The following TEX11 variants were observed in gnomAD, a reference collection of about 807,000 sequenced individuals.
TEX11 encodes testis-expressed protein 11.
In TEX11, 7 loss-of-function variants were observed where a neutral mutation model predicts 84.4. The observed-to-expected ratio is 0.08, with a 90% CI of 0.05 to 0.16. The LOEUF (loss-of-function observed/expected upper bound fraction) is 0.16, where lower values mean the gene tolerates loss of function less well. Among genes scored for constraint, TEX11 ranks in the 10% least tolerant of loss-of-function variants. TEX11 has a pLI of 1.00. For synonymous variants in TEX11, 264 were observed against 222.8 expected (o/e 1.18, Z -1.64); for missense variants, 551 against 660.5 (o/e 0.83, Z 1.82).
At position 70,585,877 on chromosome X, in the gene TEX11, A is replaced by G. The variant is rs760630835; in HGVS notation, c.2140+5874T>C. Among the ~76,000 whole-genome samples the G allele has an allele frequency of 1.6e-3, 175 of 111,889 alleles. 1 individual carries two copies. The highest frequency in any genetic ancestry group is 5.5e-3 in the African/African-American group (171 of 30,820). On this transcript the variant is annotated intron_variant, in intron 25 of 29. Transcript: ENST00000374333. ...AGACCAGCCTGACCAACATGGTGAA[A>G]CCCTACCTCTACTAAAAATACAAAA...
At chrX:70,853,631 C>T (rs1463787083) in intron 5 of TEX11, among the ~76,000 whole-genome samples, 1 of 112,485 alleles carries the variant, frequency 8.9e-6, no homozygotes, top group Admixed American at 9.5e-5. Context: ...GTTCTGAAAA[C>T]TTAATGCTTC....
intron 9 of TEX11, among the ~76,000 whole-genome samples, chrX:70,758,556 G>A (rs1252228814): frequency 1.8e-5 from 2 of 112,051 alleles, no homozygotes; most frequent in African/African-American, 6.5e-5. Flanking sequence ...AAATAAAGAT[G>A]TTCTTTGAAA....
chrX:70,626,395 T>TTC (rs1447249608), intron 18 of TEX11, among the ~76,000 whole-genome samples: 2 of 109,955 alleles, frequency 1.8e-5, no homozygotes. Context: ...AGCTCTTACT[T>TTC]TCACACATTC....
At chrX:70,628,492 AT>A (rs1284058949) in intron 18 of TEX11, among the ~76,000 whole-genome samples, 1 of 111,565 alleles carries the variant, frequency 9.0e-6, no homozygotes, top group Admixed American at 9.5e-5. Context: ...CCTACTCTGA[AT>A]TTTGGTAATT....
chrX:70,641,286 C>A (rs192479929), intron 17 of TEX11, among the ~76,000 whole-genome samples: 1 of 111,294 alleles, frequency 9.0e-6, no homozygotes, highest in African/African-American at 3.3e-5. Flanking sequence ...GAGTGACCTA[C>A]AAAGAGACTT....
intron 1 of TEX11, 41 bp from the exon 2 acceptor site, chrX:70,907,851 C>G (rs2091842515): frequency 5.9e-6 from 5 of 845,697 alleles, no homozygotes; most frequent in Non-Finnish European, 8.7e-6. Flanking sequence ...GTTTTATCCT[C>G]TAGTTTCTCA....
chrX:70,645,948 A>T (rs950676635), intron 17 of TEX11, among the ~76,000 whole-genome samples: 11 of 111,312 alleles, frequency 9.9e-5, no homozygotes, highest in Admixed American at 2.9e-4. Context: ...AAGCAAAAAG[A>T]CCCTGACTAG....
intron 13 of TEX11, among the ~76,000 whole-genome samples, chrX:70,706,049 G>C (rs886763749): frequency 3.6e-5 from 4 of 111,164 alleles, no homozygotes; most frequent in Non-Finnish European, 5.7e-5. Context: ...GAAAGACTTG[G>C]AACCAACCCA....
intron 11 of TEX11, among the ~76,000 whole-genome samples, chrX:70,739,325 AC>A (rs1281998534): frequency 1.8e-5 from 2 of 110,660 alleles, no homozygotes; most frequent in Non-Finnish European, 3.8e-5. Context: ...GTTGAAAAAA[AC>A]CTTTCTAAAG....
chrX:70,583,248 A>G (rs979074597), intron 25 of TEX11, among the ~76,000 whole-genome samples: 2 of 109,966 alleles, frequency 1.8e-5, no homozygotes, highest in Non-Finnish European at 3.8e-5. Context: ...TCATCCTTTA[A>G]CCCCCTCCCA....
At chrX:70,574,322 T>G (rs1880368689) in intron 25 of TEX11, among the ~76,000 whole-genome samples, 2 of 111,757 alleles carry the variant, frequency 1.8e-5, no homozygotes. Context: ...AAGAAAGGTT[T>G]GAGTATCTTC....
At chrX:70,809,767 G>T (rs2091241226) in intron 8 of TEX11, among the ~76,000 whole-genome samples, 1 of 110,791 alleles carries the variant, frequency 9.0e-6, no homozygotes, top group African/African-American at 3.3e-5. Context: ...TGCGTTCTCG[G>T]CTCACTGCAA....
Position 70,779,591 on chromosome X carries a change from A to G in TEX11, c.692+27114T>C, listed in dbSNP as rs2091024646. Among the ~76,000 whole-genome samples, 3 of 110,829 alleles carry G rather than the reference A, an allele frequency of 2.7e-5. No homozygotes were observed. In the Admixed American group the frequency reaches 2.9e-4, roughly 11 times the overall value. On this transcript the variant is annotated intron_variant, in intron 9 of 29. Transcript: ENST00000374333. ...TGAATAAAATAGAGGCCAAAAAAAT[A>G]CAATAGATCAACGAAACTAAAAGTT... is the stretch of plus-strand genomic sequence containing the variant.
intron 28 of TEX11, among the ~76,000 whole-genome samples, chrX:70,547,745 C>T (rs1379234987): frequency 9.0e-6 from 1 of 111,520 alleles, no homozygotes. Context: ...GTTAGAATGG[C>T]GATCATTAAA....
chrX:70,711,811 C>G (rs1319307153), intron 13 of TEX11, among the ~76,000 whole-genome samples: 2 of 111,225 alleles, frequency 1.8e-5, no homozygotes, highest in East Asian at 2.8e-4. Context: ...CCATTTGTCA[C>G]TTTTGGCTTT....
chrX:70,640,237 T>C (rs375719499), intron 17 of TEX11, among the ~76,000 whole-genome samples: 2 of 107,677 alleles, frequency 1.9e-5, no homozygotes, highest in African/African-American at 6.7e-5. Context: ...TAAAAAGAAA[T>C]GAGCAAAGCC....
At chrX:70,900,395 A>AGAAGAAG (rs376406004) in intron 2 of TEX11, among the ~76,000 whole-genome samples, 73 of 60,080 alleles carry the variant, frequency 1.2e-3, no homozygotes, top group East Asian at 6.1e-3. Context: ...AAAAAAAAAA[A>AGAAGAAG]AAGAAGAAGA....
intron 7 of TEX11, among the ~76,000 whole-genome samples, chrX:70,837,855 A>G (rs996332960): frequency 8.9e-6 from 1 of 111,763 alleles, no homozygotes; most frequent in Admixed American, 9.5e-5. Flanking sequence ...GGTAGTGAAC[A>G]TGAATCTTCA....
intron 13 of TEX11, among the ~76,000 whole-genome samples, chrX:70,716,786 C>G (rs2090507921): frequency 9.0e-6 from 1 of 111,697 alleles, no homozygotes; most frequent in Non-Finnish European, 1.9e-5. Flanking sequence ...CACCCACTGT[C>G]CTGCACCCAC....
Sources: gnomAD v4.1 joint callset for allele counts (sites outside exome capture counted in the v4.1 genomes callset) on GRCh38, gnomAD v4.1.1 for gene constraint, MANE v1.5 for transcripts, NCBI Gene and HGNC (gene_info 2026-07-23, HGNC 2026-07-21) for gene names.